Variants in CLMN observed in about 807,000 individuals in gnomAD.
CLMN encodes the protein calmin, also known as calmin (calponin-like, transmembrane).
A neutral mutation model predicts 92.7 loss-of-function variants in CLMN; 57 were observed. That is an observed-to-expected ratio of 0.61 (90% CI 0.50 to 0.77). CLMN has a LOEUF of 0.77. CLMN is among the 30% of genes least tolerant of loss of function. The pLI is 0.00. For missense variants in CLMN, 1,158 were observed against 1,237.5 expected, an observed-to-expected ratio of 0.94 and a Z score of 0.96; for synonymous variants, 466 against 470.6, an observed-to-expected ratio of 0.99 and a Z score of 0.13.
At position 95,223,852 on chromosome 14, in the gene CLMN, T is replaced by C. The variant is rs764148782; in HGVS notation, c.148A>G (p.Asn50Asp). ...AAATCTTTAACTTCTAGAGGTGGGT[T>C]GCACTTTGAAAGAGAAGGGAAGAAA... ...RWINLHLEKCNPPLEVKDLFV... is the reference protein window; with the variant it reads ...RWINLHLEKCDPPLEVKDLFV... The change falls in exon 3 of 13, where the codon AAC becomes GAC. Residue 50 changes from asparagine (N) to aspartate (D), a missense_variant. Asn to Asp is a conservative substitution (Grantham distance 23). Transcript: ENST00000298912. The C allele has an allele frequency of 1.2e-6, 2 of 1,610,444 alleles. No individual in the cohort carries two copies. The highest frequency in any genetic ancestry group is 3.4e-5 in the Admixed American group (2 of 59,052).
Position 95,215,486 on chromosome 14 carries a change from C to T in CLMN, c.417+155G>A, listed in dbSNP as rs535859156. ...CACAGAGACTCAAACACTTTAGCAACCAGATTCTTCTAGTGCTTTTTCAGT... is the reference window on the plus strand; with the variant it reads ...CACAGAGACTCAAACACTTTAGCAATCAGATTCTTCTAGTGCTTTTTCAGT... On this transcript the variant is annotated intron_variant, in intron 5 of 12. Transcript: ENST00000298912. Among the ~76,000 whole-genome samples the T allele has an allele frequency of 6.6e-4, 100 of 152,302 alleles. 1 individual carries two copies. Among genetic ancestry groups the T allele is most frequent in the African/African-American group, 2.3e-3 (97 of 41,556 alleles).
rs71431683 is a variant in CLMN, at chr14:95,266,844, A to G, written c.83-36711T>C. ...CATGGTAACTGGCATAAAAAAAGAC[A>G]CAAAGACCAATGAAACAGAATAGAG... is the stretch of plus-strand genomic sequence containing the variant. On this transcript the variant is annotated intron_variant, in intron 1 of 12. Coordinates refer to ENST00000298912, the MANE Select transcript of CLMN (RefSeq NM_024734.4). Among the ~76,000 whole-genome samples, 3 of 152,198 alleles carry G rather than the reference A, an allele frequency of 2.0e-5. No individual in the cohort carries two copies. The South Asian group carries it at 6.2e-4, about 31-fold the overall frequency.
intron 1 of CLMN, among the ~76,000 whole-genome samples, chr14:95,271,857 C>T (rs762820944): frequency 6.6e-6 from 1 of 152,224 alleles, no homozygotes; most frequent in South Asian, 2.1e-4. Flanking sequence ...ATCTTGACTT[C>T]TATCATCATA....
At chr14:95,225,035 G>A in intron 2 of CLMN, among the ~76,000 whole-genome samples, 1 of 151,988 alleles carries the variant, frequency 6.6e-6, no homozygotes, top group East Asian at 1.9e-4. Flanking sequence ...GACTTACTAG[G>A]AACTCAAAGG....
At chr14:95,277,170 G>A (rs1899964348) in intron 1 of CLMN, among the ~76,000 whole-genome samples, 1 of 152,220 alleles carries the variant, frequency 6.6e-6, no homozygotes, top group Non-Finnish European at 1.5e-5. Flanking sequence ...AAAAAGGACT[G>A]GTGAGGCTAG....
intron 1 of CLMN, among the ~76,000 whole-genome samples, chr14:95,249,836 GC>G (rs1898714992): frequency 6.6e-6 from 1 of 152,058 alleles, no homozygotes; most frequent in African/African-American, 2.4e-5. Flanking sequence ...TTCATGATCT[GC>G]CCACTCAGAA....
chr14:95,246,774 G>T (rs1287032866), intron 1 of CLMN, among the ~76,000 whole-genome samples: 2 of 152,172 alleles, frequency 1.3e-5, no homozygotes, highest in African/African-American at 2.4e-5. Context: ...GCCACAAACT[G>T]TTTTTTAAAA....
In CLMN at chr14:95,191,469, T is replaced by C. The variant is rs797003131; in HGVS notation, c.*95A>G. ...CTAAGTTTCCTCGGAGGTCCTCAAC[T>C]GTCTGTAGAAGTGCCCCACCCAGAA... is the stretch of plus-strand genomic sequence containing the variant. On this transcript the variant is annotated 3_prime_UTR_variant, in exon 13 of 13. Coordinates refer to ENST00000298912, the MANE Select transcript of CLMN (RefSeq NM_024734.4). The surrounding 1 kb of genome is among the most constrained non-coding windows in gnomAD (Gnocchi z 5.3). 12 of 945,254 alleles carry C rather than the reference T, an allele frequency of 1.3e-5. No homozygotes were observed. In the South Asian group the frequency reaches 2.2e-4, roughly 17 times the overall value. The allele number at this position is 945,254 out of a possible 1,614,324, so 58.6% of individuals were successfully genotyped here.
chr14:95,257,850 C>A (rs1899064411), intron 1 of CLMN, among the ~76,000 whole-genome samples: 1 of 152,226 alleles, frequency 6.6e-6, no homozygotes, highest in South Asian at 2.1e-4. Flanking sequence ...GGACTGAAGC[C>A]ATGAGACCAG....
Position 95,186,121 on chromosome 14 carries a change from G to A in CLMN, c.*5443C>T, listed in dbSNP as rs539150223. On this transcript the variant is annotated 3_prime_UTR_variant, in exon 13 of 13. Coordinates refer to ENST00000298912, the MANE Select transcript of CLMN (RefSeq NM_024734.4). ...CTATCTGGAGGTCATCAACTAGCAGGGCGACTAGTCGTTTCCTCTTTCTAA... is the reference window on the plus strand; with the variant it reads ...CTATCTGGAGGTCATCAACTAGCAGAGCGACTAGTCGTTTCCTCTTTCTAA... The A allele has an allele frequency of 7.2e-5, 11 of 152,300 alleles. No homozygotes were observed. Among genetic ancestry groups the A allele is most frequent in the African/African-American group, 2.6e-4 (11 of 41,544 alleles). 9.4% of individuals were successfully genotyped at this position (152,300 alleles called of 1,614,324 possible). A position where few individuals can be genotyped will look rare whatever the true frequency, so the allele number is the denominator to read the frequency against.
chr14:95,306,340 C>T (rs1901275697), intron 1 of CLMN, among the ~76,000 whole-genome samples: 1 of 152,056 alleles, frequency 6.6e-6, no homozygotes, highest in South Asian at 2.1e-4. Context: ...GGTGAAACCC[C>T]ATCTCTCTGA....
intron 1 of CLMN, among the ~76,000 whole-genome samples, chr14:95,246,659 G>A (rs561650840): frequency 6.6e-6 from 1 of 152,164 alleles, no homozygotes; most frequent in South Asian, 2.1e-4. Flanking sequence ...GGTAGAGGTG[G>A]GGTTTCACTG....
intron 10 of CLMN, among the ~76,000 whole-genome samples, chr14:95,196,281 G>A (rs902580228): frequency 3.9e-5 from 6 of 152,206 alleles, no homozygotes; most frequent in African/African-American, 1.4e-4. Context: ...GAGAAGGCAA[G>A]CTTCCCATCC....
chr14:95,191,554 G>C lies in CLMN; in HGVS notation c.*10C>G, dbSNP rs1229942492. ...AGGGTCCTGTCTTTTTTATTATCCA[G>C]ACACACGTATCAGAGCCTGCTAACA... On this transcript the variant is annotated 3_prime_UTR_variant, in exon 13 of 13. Transcript: ENST00000298912. The surrounding 1 kb of genome is among the most constrained non-coding windows in gnomAD (Gnocchi z 5.3). 8.7e-6 allele frequency: 14 copies of C among 1,605,824 alleles called. No homozygotes were observed. Among genetic ancestry groups the C allele is most frequent in the Non-Finnish European group, 1.2e-5 (14 of 1,176,560 alleles).
Position 95,185,237 on chromosome 14 carries a change from C to T in CLMN, c.*6327G>A, listed in dbSNP as rs1462475745. The stretch of plus-strand genomic sequence containing the variant: ...TGTGCACCGGGCTCACTTCCATGAG[C>T]TGCTGACTGCTGTTTTCCAAGGAAA... On this transcript the variant is annotated 3_prime_UTR_variant, in exon 13 of 13. Transcript: ENST00000298912. 1.3e-5 allele frequency: 2 copies of T among 152,278 alleles called. No homozygotes were observed. Among genetic ancestry groups the T allele is most frequent in the African/African-American group, 4.8e-5 (2 of 41,460 alleles). 9.4% of individuals were successfully genotyped at this position (152,278 alleles called of 1,614,324 possible). A position where few individuals can be genotyped will look rare whatever the true frequency, so the allele number is the denominator to read the frequency against.
intron 3 of CLMN, among the ~76,000 whole-genome samples, chr14:95,222,887 T>C (rs6575502): frequency 6.6e-6 from 1 of 152,108 alleles, no homozygotes; most frequent in Non-Finnish European, 1.5e-5. Context: ...AGACCTACAG[T>C]TAAGGACAGA....
rs1169942353 is a variant in CLMN at position 95,185,319 on chromosome 14, A to G, written c.*6245T>C. On this transcript the variant is annotated 3_prime_UTR_variant, in exon 13 of 13. Transcript: ENST00000298912. The stretch of plus-strand genomic sequence containing the variant: ...GAGCTCAAGGGGATGCTTGTGTCTC[A>G]TGTTTGGTTCTCCCACGCTGGCTGT... 1 of 152,214 alleles carries G rather than the reference A, an allele frequency of 6.6e-6. No homozygotes were observed. Among genetic ancestry groups the G allele is most frequent in the Non-Finnish European group, 1.5e-5 (1 of 68,088 alleles). 9.4% of individuals were successfully genotyped at this position (152,214 alleles called of 1,614,324 possible). A position where few individuals can be genotyped will look rare whatever the true frequency, so the allele number is the denominator to read the frequency against.
intron 1 of CLMN, among the ~76,000 whole-genome samples, chr14:95,269,650 C>A (rs1899628187): frequency 6.6e-6 from 1 of 152,246 alleles, no homozygotes; most frequent in Admixed American, 6.5e-5. Flanking sequence ...CCCCACCAGG[C>A]TCCTTCCTGG....
intron 1 of CLMN, 21 bp downstream of exon 1, chr14:95,319,690 G>A: frequency 6.3e-7 from 1 of 1,587,026 alleles, no homozygotes; most frequent in Non-Finnish European, 8.5e-7. Context: ...GCCATCCCGG[G>A]GCGAGCCTGG....
Sources: gnomAD v4.1 joint callset for allele counts (sites outside exome capture counted in the v4.1 genomes callset) on GRCh38, gnomAD v4.1.1 for gene constraint, Gnocchi (gnomAD v3.1) non-coding constraint, MANE v1.5 for transcripts, NCBI Gene and HGNC (gene_info 2026-07-23, HGNC 2026-07-21) for gene names.